The following TMEM175 variants were observed in gnomAD, a reference collection of about 807,000 sequenced individuals.
The protein encoded by TMEM175 is endosomal/lysosomal proton channel TMEM175.
A neutral mutation model predicts 36.5 loss-of-function variants in TMEM175; 36 were observed. The observed-to-expected ratio is 0.99, with a 90% CI of 0.76 to 1.30. The LOEUF is 1.30. TMEM175 is among the 50% of genes most tolerant of loss of function. TMEM175 has a pLI of 0.00. For synonymous variants in TMEM175, 339 were observed against 313.4 expected, an observed-to-expected ratio of 1.08 and a Z score of -0.86; for missense variants, 705 against 692.8, an observed-to-expected ratio of 1.02 and a Z score of -0.20.
chr4:950,350 G>A lies in TMEM175; in HGVS notation c.193-71G>A, dbSNP rs564225591. The A allele has an allele frequency of 1.2e-4, 159 of 1,282,728 alleles. 1 individual carries two copies. The South Asian group carries it at 1.9e-3, about 15-fold the overall frequency. 79.5% of individuals were successfully genotyped at this position (1,282,728 alleles called of 1,614,324 possible). A position where few individuals can be genotyped will look rare whatever the true frequency, so the allele number is the denominator to read the frequency against. On this transcript the variant is annotated intron_variant, in intron 3 of 10. Coordinates refer to ENST00000264771, the MANE Select transcript of TMEM175 (RefSeq NM_032326.4). The stretch of plus-strand genomic sequence containing the variant: ...GGGCCGAGGCCAGCCCCCCCTCACG[G>A]TGCTGTCTCGACTGCCATTCAGGGA...
intron 3 of TMEM175, 127 bp from the exon 4 acceptor site, chr4:950,294 C>A: frequency 1.4e-6 from 1 of 734,708 alleles, no homozygotes; most frequent in Non-Finnish European, 2.4e-6. Flanking sequence ...AGGTGCCTCA[C>A]AGGACCCACC....
Position 958,279 on chromosome 4 carries a change from C to A in TMEM175, c.1298C>A (p.Ala433Asp). 1 of 1,606,366 alleles carries A rather than the reference C, an allele frequency of 6.2e-7. No homozygotes were observed. The change falls in exon 11 of 11, where the codon GCC becomes GAC. Residue 433 changes from alanine to aspartate, a missense_variant. Coordinates refer to ENST00000264771, the MANE Select transcript of TMEM175 (RefSeq NM_032326.4). ...CTGTACCCCTGTGCCAGCCTGCTGG[C>A]CTTCGCCTCCACCTGCCTGCTGAGC... ...LALYPCASLL[A>D]FASTCLLSRF... is the part of the protein sequence containing the mutation.
intron 1 of TMEM175, among the ~76,000 whole-genome samples, chr4:938,271 A>G (rs1727032451): frequency 6.6e-6 from 1 of 152,216 alleles, no homozygotes; most frequent in Non-Finnish European, 1.5e-5. Flanking sequence ...TAGGAGGCCG[A>G]GTCGGGTGGG....
intron 1 of TMEM175, among the ~76,000 whole-genome samples, chr4:938,697 A>G (rs1727088758): frequency 1.3e-5 from 2 of 152,226 alleles, no homozygotes; most frequent in Admixed American, 1.3e-4. Flanking sequence ...AAATGTGAAA[A>G]AAGATGTGCA....
chr4:951,698 T>A lies in TMEM175; in HGVS notation c.359T>A (p.Ile120Asn). Residue 120 changes from isoleucine to asparagine, a missense_variant, in exon 6 of 11, where the codon ATC (isoleucine) becomes AAC (asparagine). Coordinates refer to ENST00000264771, the MANE Select transcript of TMEM175 (RefSeq NM_032326.4). ...TCCCTCCAGGCCTGCATGATGACCA[T>A]CACCTTCCTGCCTTACACGGTGAGC... is the stretch of plus-strand genomic sequence containing the variant. ...ALLNLACMMT[I>N]TFLPYTFSLM... The A allele has an allele frequency of 1.9e-6, 3 of 1,614,030 alleles. No individual in the cohort carries two copies. The highest frequency in any genetic ancestry group is 2.5e-6 in the Non-Finnish European group (3 of 1,179,978).
intron 1 of TMEM175, among the ~76,000 whole-genome samples, chr4:936,765 C>T (rs1183111543): frequency 6.6e-6 from 1 of 152,106 alleles, no homozygotes; most frequent in African/African-American, 2.4e-5. Context: ...ACCATCCTGG[C>T]CAACATGGTG....
chr4:933,812 C>T (rs1245775683), intron 1 of TMEM175, among the ~76,000 whole-genome samples: 1 of 152,210 alleles, frequency 6.6e-6, no homozygotes, highest in Non-Finnish European at 1.5e-5. Flanking sequence ...AGATAATAGC[C>T]TCAGCTCGTT....
chr4:949,173 T>C (rs1728558689), intron 3 of TMEM175, among the ~76,000 whole-genome samples: 1 of 152,066 alleles, frequency 6.6e-6, no homozygotes. Context: ...ACGGGGTCGC[T>C]GAGGTACGGC....
At chr4:934,332 G>A (rs1375155718) in intron 1 of TMEM175, among the ~76,000 whole-genome samples, 1 of 152,252 alleles carries the variant, frequency 6.6e-6, no homozygotes, top group Non-Finnish European at 1.5e-5. Flanking sequence ...GAAGGAGGAA[G>A]AAAACCAAGA....
In TMEM175 at chr4:953,249, C is replaced by A; in HGVS notation, c.522C>A (p.Arg174=). Reference sequence around the variant, plus strand: ...ACCTGCTGAGCCCGCAGATCCAGCGCTCTGCCCACAGGGCTCTGTACCGAC... The same window carrying A: ...ACCTGCTGAGCCCGCAGATCCAGCGATCTGCCCACAGGGCTCTGTACCGAC... The part of the protein sequence containing the change: ...FPHLLSPQIQ[R]SAHRALYRRH... Residue 174 remains arginine, a synonymous_variant, in exon 8 of 11, where the codon CGC becomes CGA. Transcript: ENST00000264771. 1 of 1,613,994 alleles carries A rather than the reference C, an allele frequency of 6.2e-7. No individual in the cohort carries two copies. Among genetic ancestry groups the A allele is most frequent in the East Asian group, 2.2e-5 (1 of 44,884 alleles).
At chr4:945,138 T>G (rs1271376762) in intron 1 of TMEM175, among the ~76,000 whole-genome samples, 1 of 71,604 alleles carries the variant, frequency 1.4e-5, no homozygotes, top group Non-Finnish European at 3.3e-5. Context: ...GTTGCCTCAG[T>G]GCAGACCCTA....
intron 1 of TMEM175, among the ~76,000 whole-genome samples, chr4:941,268 C>T (rs1042142074): frequency 4.1e-5 from 6 of 148,030 alleles, no homozygotes; most frequent in Admixed American, 6.8e-5. Flanking sequence ...CCCAGCTGCT[C>T]GGGAGGCTGA....
At chr4:956,442 G>GTT (rs1560500418) in intron 10 of TMEM175, 51 of 1,269,958 alleles carry the variant, frequency 4.0e-5, no homozygotes, top group African/African-American at 3.6e-4. Context: ...GTTTTTGTGG[G>GTT]GTTTTTTTTT....
At chr4:938,013 G>A (rs1421115200) in intron 1 of TMEM175, among the ~76,000 whole-genome samples, 1 of 151,622 alleles carries the variant, frequency 6.6e-6, no homozygotes, top group African/African-American at 2.4e-5. Context: ...AAAAAACTCA[G>A]CAAACTAGGA....
intron 1 of TMEM175, among the ~76,000 whole-genome samples, chr4:942,503 T>C (rs1003947115): frequency 6.6e-6 from 1 of 152,232 alleles, no homozygotes; most frequent in Non-Finnish European, 1.5e-5. Context: ...TTCTGAACTA[T>C]ATTCCATTGG....
chr4:939,606 C>T (rs958603164), intron 1 of TMEM175, among the ~76,000 whole-genome samples: 13 of 152,222 alleles, frequency 8.5e-5, no homozygotes, highest in South Asian at 4.1e-4. Context: ...ATCCCAGCTA[C>T]TCAGGAGGCC....
intron 1 of TMEM175, among the ~76,000 whole-genome samples, chr4:939,500 G>A (rs1416916538): frequency 1.3e-5 from 2 of 151,994 alleles, no homozygotes; most frequent in Non-Finnish European, 2.9e-5. Flanking sequence ...CAGATCACTT[G>A]AGGTCAGGAG....
In TMEM175 at chr4:936,962, A is replaced by C. The variant is rs188062894; in HGVS notation, c.-32+4422A>C. Among the ~76,000 whole-genome samples, 655 of 152,282 alleles carry C rather than the reference A, an allele frequency of 4.3e-3. 5 individuals are homozygous for C. The highest frequency in any genetic ancestry group is 0.014 in the Middle Eastern group (4 of 294). ...CACAGTAGGACTCTGTCTCAAAAAA[A>C]AAAAGAGAAATTGTGTTGTATGAAA... On this transcript the variant is annotated intron_variant, in intron 1 of 10. Coordinates refer to ENST00000264771, the MANE Select transcript of TMEM175 (RefSeq NM_032326.4).
At position 950,592 on chromosome 4, in the gene TMEM175, G is replaced by A. The variant is rs981206990; in HGVS notation, c.290+74G>A. 3 of 1,138,496 alleles carry A rather than the reference G, an allele frequency of 2.6e-6. No individual in the cohort carries two copies. The South Asian group carries it at 3.8e-5, about 14-fold the overall frequency. The allele number at this position is 1,138,496 out of a possible 1,614,324, so 70.5% of individuals were successfully genotyped here. A position where few individuals can be genotyped will look rare whatever the true frequency, so the allele number is the denominator to read the frequency against. On this transcript the variant is annotated intron_variant, in intron 4 of 10. Transcript: ENST00000264771. The stretch of plus-strand genomic sequence containing the variant: ...CGTACCCCGCACCACATCACGCACG[G>A]GTCCATGGGGTCGGGGAGGACAGCA...
Sources: allele counts gnomAD v4.1 joint callset (sites outside exome capture counted in the v4.1 genomes callset), GRCh38; gene constraint gnomAD v4.1.1; transcripts MANE v1.5; gene names NCBI Gene and HGNC (gene_info 2026-07-23, HGNC 2026-07-21).